The following CDH13 variants were observed in gnomAD, a reference collection of about 807,000 sequenced individuals.
CDH13 encodes cadherin-13.
CDH13 carries 24 observed loss-of-function variants against 63.8 expected under a neutral mutation model. That is an observed-to-expected ratio of 0.38 (90% confidence interval 0.27 to 0.53). The LOEUF is 0.53. Ranked by LOEUF, CDH13 falls within the 20% of genes least tolerant of loss-of-function variation. The pLI is 0.85. For synonymous variants in CDH13, 503 were observed against 355.3 expected (o/e 1.42, Z -4.67); for missense variants, 1,049 against 903.1 (o/e 1.16, Z -2.07).
intron 2 of CDH13, among the ~76,000 whole-genome samples, chr16:82,970,784 T>G (rs62037233): frequency 3.4e-4 from 52 of 152,188 alleles, no homozygotes; most frequent in Non-Finnish European, 6.6e-4. Flanking sequence ...CCCTCTATTA[T>G]TTCCCTATTA....
intron 3 of CDH13, among the ~76,000 whole-genome samples, chr16:83,050,198 T>C (rs968119663): frequency 1.3e-5 from 2 of 152,148 alleles, no homozygotes; most frequent in African/African-American, 2.4e-5. Flanking sequence ...CTGCCTACTG[T>C]CGCCATAACT....
intron 4 of CDH13, among the ~76,000 whole-genome samples, chr16:83,184,670 G>A (rs151068507): frequency 5.9e-5 from 9 of 152,246 alleles, no homozygotes; most frequent in Admixed American, 4.6e-4. Context: ...CAGGAGAATC[G>A]TCTGAACCCA....
chr16:82,929,003 T>C (rs2042393002), intron 2 of CDH13, among the ~76,000 whole-genome samples: 1 of 152,224 alleles, frequency 6.6e-6, no homozygotes, highest in Non-Finnish European at 1.5e-5. Context: ...CCTGGCACTT[T>C]CTAAGAGATC....
intron 6 of CDH13, among the ~76,000 whole-genome samples, chr16:83,405,272 G>C (rs2092025127): frequency 6.6e-6 from 1 of 152,188 alleles, no homozygotes; most frequent in Admixed American, 6.5e-5. Flanking sequence ...CATCCCCCTG[G>C]AAGATGTGCA....
rs1054093888 is a variant in CDH13 at position 82,639,280 on chromosome 16, G to C, written c.45+12143G>C. 6 of 931,948 alleles carry C rather than the reference G, an allele frequency of 6.4e-6. No individual in the cohort carries two copies. The African/African-American group carries it at 8.2e-5, about 13-fold the overall frequency. 57.7% of individuals were successfully genotyped at this position (931,948 alleles called of 1,614,324 possible). A position where few individuals can be genotyped will look rare whatever the true frequency, so the allele number is the denominator to read the frequency against. On this transcript the variant is annotated intron_variant, in intron 1 of 13. Coordinates refer to ENST00000567109, the MANE Select transcript of CDH13 (RefSeq NM_001257.5). ...TCTGGGCCCTGGACTTCCTGTCTGG[G>C]CTACTGATTGCAACCTTCAGAACAG...
chr16:83,012,184 C>T (rs192402765), intron 2 of CDH13, among the ~76,000 whole-genome samples: 5 of 152,214 alleles, frequency 3.3e-5, no homozygotes, highest in Admixed American at 6.5e-5. Flanking sequence ...ATAGTTTAAA[C>T]ACAATATTTT....
chr16:83,010,531 C>G (rs979794255), intron 2 of CDH13, among the ~76,000 whole-genome samples: 34 of 152,118 alleles, frequency 2.2e-4, no homozygotes, highest in Non-Finnish European at 7.4e-5. Context: ...AGGAACCCCA[C>G]TCATTCACAC....
intron 1 of CDH13, among the ~76,000 whole-genome samples, chr16:82,772,431 C>T (rs945234552): frequency 2.0e-5 from 3 of 152,084 alleles, no homozygotes; most frequent in African/African-American, 7.2e-5. Flanking sequence ...CCTGCCCCTG[C>T]CCACACAGGC....
intron 6 of CDH13, among the ~76,000 whole-genome samples, chr16:83,402,953 T>C (rs2091989762): frequency 6.6e-6 from 1 of 152,196 alleles, no homozygotes. Flanking sequence ...AATAACCAGC[T>C]ACAATCTGCC....
intron 4 of CDH13, among the ~76,000 whole-genome samples, chr16:83,128,933 C>T (rs2035929529): frequency 6.6e-6 from 1 of 152,240 alleles, no homozygotes; most frequent in South Asian, 2.1e-4. Flanking sequence ...CAAGAGCCTT[C>T]AAAACCTCTA....
intron 11 of CDH13, among the ~76,000 whole-genome samples, chr16:83,775,263 C>A (rs1915028770): frequency 6.6e-6 from 1 of 151,810 alleles, no homozygotes; most frequent in South Asian, 2.1e-4. Context: ...GGCTTGCAAT[C>A]TGCGTGTCTG....
chr16:83,278,927 A>T (rs1275291035), intron 5 of CDH13, among the ~76,000 whole-genome samples: 1 of 152,202 alleles, frequency 6.6e-6, no homozygotes, highest in Non-Finnish European at 1.5e-5. Context: ...AACAATAGCC[A>T]GCATGCTAAG....
intron 1 of CDH13, among the ~76,000 whole-genome samples, chr16:82,763,809 A>T (rs1445301818): frequency 6.6e-6 from 1 of 152,116 alleles, no homozygotes; most frequent in Non-Finnish European, 1.5e-5. Flanking sequence ...CAGCCTCCCC[A>T]GTAGCTGGGA....
At chr16:82,666,637 G>A (rs779601688) in intron 1 of CDH13, among the ~76,000 whole-genome samples, 5 of 152,152 alleles carry the variant, frequency 3.3e-5, no homozygotes, top group Non-Finnish European at 7.3e-5. Context: ...CCTAGTCGTA[G>A]GTTAACCATA....
intron 7 of CDH13, among the ~76,000 whole-genome samples, chr16:83,489,524 T>C (rs2073962676): frequency 6.6e-6 from 1 of 152,198 alleles, no homozygotes; most frequent in South Asian, 2.1e-4. Context: ...TGTGATAAGC[T>C]TCACTTCAGC....
At chr16:82,976,389 G>A (rs1005721241) in intron 2 of CDH13, among the ~76,000 whole-genome samples, 4 of 152,108 alleles carry the variant, frequency 2.6e-5, no homozygotes, top group African/African-American at 4.8e-5. Flanking sequence ...CAACTGTAAC[G>A]GTGGATTCCT....
chr16:82,801,448 T>A (rs2036848822), intron 1 of CDH13, among the ~76,000 whole-genome samples: 1 of 152,186 alleles, frequency 6.6e-6, no homozygotes, highest in Non-Finnish European at 1.5e-5. Context: ...GTGCAATCAT[T>A]CAGGAACATC....
chr16:82,746,280 G>GTTTATATA (rs2034169531), intron 1 of CDH13, among the ~76,000 whole-genome samples: 15 of 135,210 alleles, frequency 1.1e-4, no homozygotes, highest in Non-Finnish European at 1.3e-4. Flanking sequence ...TAAACACACT[G>GTTTATATA]TATGTATGAT....
intron 11 of CDH13, among the ~76,000 whole-genome samples, chr16:83,754,785 A>T (rs1375711819): frequency 6.6e-6 from 1 of 152,190 alleles, no homozygotes; most frequent in Non-Finnish European, 1.5e-5. Context: ...ACATTCAATT[A>T]AACCTCTTTC....
Sources: gnomAD v4.1 joint callset for allele counts (sites outside exome capture counted in the v4.1 genomes callset) on GRCh38, gnomAD v4.1.1 for gene constraint, MANE v1.5 for transcripts, NCBI Gene and HGNC (gene_info 2026-07-23, HGNC 2026-07-21) for gene names.